The following BLK variants were observed in gnomAD, a reference collection of about 807,000 sequenced individuals.
BLK encodes BLK proto-oncogene, Src family tyrosine kinase.
A neutral mutation model predicts 61.8 loss-of-function variants in BLK; 64 were observed. The observed-to-expected ratio is 1.03, with a 90% confidence interval of 0.85 to 1.27. The LOEUF is 1.27. BLK is among the 50% of genes most tolerant of loss of function. The probability of loss-of-function intolerance (pLI) is 0.00; values close to 1 mark genes in which losing one functional copy is unlikely to be tolerated. For missense variants in BLK, 853 were observed against 660.5 expected, an observed-to-expected ratio of 1.29 and a Z score of -3.19; for synonymous variants, 351 against 272.0, an observed-to-expected ratio of 1.29 and a Z score of -2.86.
chr8:11,546,906 G>A (rs1202624337), intron 3 of BLK, among the ~76,000 whole-genome samples: 1 of 152,196 alleles, frequency 6.6e-6, no homozygotes, highest in Non-Finnish European at 1.5e-5. Flanking sequence ...TGGTGGGCTG[G>A]CCTGCTGGGT....
intron 1 of BLK, among the ~76,000 whole-genome samples, chr8:11,522,674 G>T (rs1322042112): frequency 4.3e-5 from 6 of 139,598 alleles, no homozygotes; most frequent in African/African-American, 1.6e-4. Context: ...AAAGGATACA[G>T]TAAAAAAAAA....
intron 1 of BLK, among the ~76,000 whole-genome samples, chr8:11,504,406 GAAAAGA>G (rs1297392985): frequency 2.9e-4 from 38 of 133,252 alleles, no homozygotes; most frequent in Admixed American, 7.4e-4. Flanking sequence ...GAAAAGAAAA[GAAAAGA>G]AAAAAAAAAG....
Position 11,555,441 on chromosome 8 carries a change from G to A in BLK, c.729G>A (p.Leu243=). Residue 243 remains leucine, a synonymous_variant, in exon 8 of 13, where the codon CTG becomes CTA. Transcript: ENST00000259089. ...AGATCCCCCGGCAGTCTCTCAGGCT[G>A]GTCAGGAAACTCGGGTCTGGACAAT... ...EWEIPRQSLR[L]VRKLGSGQFG... is the part of the protein sequence containing the mutation. 1 of 1,614,192 alleles carries A rather than the reference G, an allele frequency of 6.2e-7. No individual in the cohort carries two copies. Among genetic ancestry groups the A allele is most frequent in the Non-Finnish European group, 8.5e-7 (1 of 1,180,026 alleles).
intron 8 of BLK, 59 bp from the exon 9 acceptor site, chr8:11,556,599 G>A (rs1801236321): frequency 5.0e-6 from 8 of 1,610,340 alleles, no homozygotes; most frequent in Admixed American, 1.7e-5. Flanking sequence ...TTGGTTAAGG[G>A]ATCACCTCCG....
intron 1 of BLK, among the ~76,000 whole-genome samples, chr8:11,531,019 C>A (rs554929531): frequency 1.3e-5 from 2 of 152,124 alleles, no homozygotes; most frequent in Admixed American, 6.6e-5. Flanking sequence ...TATGATCGGT[C>A]ATCTAATTTT....
At chr8:11,552,520 G>C (rs1408613258) in intron 6 of BLK, 1 of 152,086 alleles carries the variant, frequency 6.6e-6, no homozygotes, top group Non-Finnish European at 1.5e-5. Context: ...GTTGTTCCAG[G>C]ACATTTCAAA....
chr8:11,541,199 C>G (rs533216457), intron 1 of BLK, among the ~76,000 whole-genome samples: 8 of 152,130 alleles, frequency 5.3e-5, no homozygotes, highest in African/African-American at 1.9e-4. Flanking sequence ...CCTTGGGAGG[C>G]AGAGGTTGCA....
intron 8 of BLK, 74 bp downstream of exon 8, chr8:11,555,558 T>TGTCATCCCTCCCCCAGAAG: frequency 1.2e-6 from 2 of 1,601,620 alleles, no homozygotes; most frequent in Non-Finnish European, 1.7e-6. Context: ...AGGTTCAGCA[T>TGTCATCCCTCCCCCAGAAG]TTTCATAGCG....
chr8:11,503,083 C>A (rs917692831), intron 1 of BLK, among the ~76,000 whole-genome samples: 2 of 152,204 alleles, frequency 1.3e-5, no homozygotes, highest in African/African-American at 4.8e-5. Context: ...ACCTGGGATG[C>A]TGAGCCAGGA....
At chr8:11,528,915 A>G (rs1361133838) in intron 1 of BLK, among the ~76,000 whole-genome samples, 2 of 152,134 alleles carry the variant, frequency 1.3e-5, no homozygotes, top group East Asian at 3.9e-4. Context: ...ACATATGGAC[A>G]CACAGAGGGG....
rs560041481 is a variant in BLK at position 11,548,875 on chromosome 8, G to C, written c.270-149G>C. 1,047 of 763,014 alleles carry C rather than the reference G, an allele frequency of 1.4e-3. 5 individuals carry two copies. The highest frequency in any genetic ancestry group is 2.6e-3 in the South Asian group (176 of 67,456). 47.3% of individuals were successfully genotyped at this position (763,014 alleles called of 1,614,324 possible). On this transcript the variant is annotated intron_variant, in intron 4 of 12. Coordinates refer to ENST00000259089, the MANE Select transcript of BLK (RefSeq NM_001715.3). Reference sequence around the variant, plus strand: ...ATAGCCACTGTACCACTGAGCAGTGGGCACAAGCCCCTTCCTGCCTGCCGT... The same window carrying C: ...ATAGCCACTGTACCACTGAGCAGTGCGCACAAGCCCCTTCCTGCCTGCCGT...
At chr8:11,500,928 G>T (rs1798534659) in intron 1 of BLK, among the ~76,000 whole-genome samples, 1 of 151,708 alleles carries the variant, frequency 6.6e-6, no homozygotes, top group African/African-American at 2.4e-5. Flanking sequence ...TTTTATTTTG[G>T]CCAGGCGTGG....
chr8:11,517,313 A>G (rs944980007), intron 1 of BLK, among the ~76,000 whole-genome samples: 5 of 152,238 alleles, frequency 3.3e-5, no homozygotes, highest in African/African-American at 1.2e-4. Flanking sequence ...AAAGAGCATG[A>G]GGAAGAGAAG....
chr8:11,558,481 A>G, intron 10 of BLK: 1 of 364,622 alleles, frequency 2.7e-6, no homozygotes, highest in Non-Finnish European at 5.4e-6. Context: ...CAGCCTTTGC[A>G]CAGCCCTGGC....
intron 1 of BLK, among the ~76,000 whole-genome samples, chr8:11,535,822 C>T (rs950398731): frequency 6.6e-6 from 1 of 152,160 alleles, no homozygotes; most frequent in African/African-American, 2.4e-5. Flanking sequence ...TCTAATGGAG[C>T]CTACAGAGGT....
chr8:11,564,144 G>C lies in BLK; in HGVS notation c.*36G>C. Reference sequence around the variant, plus strand: ...CCGCCTGCGCCCCGTGCCCACCTCTGCGCGGACGACCCCGACTTCCGTGCC... The same window carrying C: ...CCGCCTGCGCCCCGTGCCCACCTCTCCGCGGACGACCCCGACTTCCGTGCC... On this transcript the variant is annotated 3_prime_UTR_variant, in exon 13 of 13. Coordinates refer to ENST00000259089, the MANE Select transcript of BLK (RefSeq NM_001715.3). 6 of 1,535,240 alleles carry C rather than the reference G, an allele frequency of 3.9e-6. No individual in the cohort carries two copies. The highest frequency in any genetic ancestry group is 5.2e-6 in the Non-Finnish European group (6 of 1,145,662).
intron 1 of BLK, among the ~76,000 whole-genome samples, chr8:11,537,398 G>C (rs914062594): frequency 6.6e-6 from 1 of 152,182 alleles, no homozygotes; most frequent in Non-Finnish European, 1.5e-5. Context: ...GTTCTACCTG[G>C]ATGCTACCCA....
At chr8:11,522,441 G>A (rs1483311456) in intron 1 of BLK, among the ~76,000 whole-genome samples, 1 of 152,170 alleles carries the variant, frequency 6.6e-6, no homozygotes, top group Admixed American at 6.5e-5. Context: ...TCGCTTTGGG[G>A]AGTGTTTTGG....
chr8:11,553,927 C>G (rs1380303066), intron 6 of BLK, among the ~76,000 whole-genome samples: 1 of 152,052 alleles, frequency 6.6e-6, no homozygotes, highest in African/African-American at 2.4e-5. Flanking sequence ...CGTGCCTGAC[C>G]CCTGGCGGGG....
Sources: allele counts gnomAD v4.1 joint callset (sites outside exome capture counted in the v4.1 genomes callset), GRCh38; gene constraint gnomAD v4.1.1; transcripts MANE v1.5; gene names NCBI Gene and HGNC (gene_info 2026-07-23, HGNC 2026-07-21).